The following SLC25A21 variants were observed in gnomAD, a reference collection of about 807,000 sequenced individuals.
SLC25A21 encodes mitochondrial 2-oxodicarboxylate carrier.
In SLC25A21, 47 loss-of-function variants were observed where a neutral mutation model predicts 43.8. That is an observed-to-expected ratio of 1.07 (90% CI 0.85 to 1.37). The LOEUF is 1.37. Ranked by LOEUF, SLC25A21 falls within the 40% of genes most tolerant of loss-of-function variation. SLC25A21 has a pLI of 0.00. For missense variants in SLC25A21, 352 were observed against 350.2 expected, an observed-to-expected ratio of 1.00 and a Z score of -0.04; for synonymous variants, 131 against 121.3, an observed-to-expected ratio of 1.08 and a Z score of -0.52.
At chr14:36,790,702 G>A (rs1188360125) in intron 3 of SLC25A21, among the ~76,000 whole-genome samples, 1 of 152,102 alleles carries the variant, frequency 6.6e-6, no homozygotes, top group Non-Finnish European at 1.5e-5. Flanking sequence ...AAAACAATGA[G>A]ATTTTGGAAA....
At position 36,931,366 on chromosome 14, in the gene SLC25A21, G is replaced by T. The variant is rs1892283687; in HGVS notation, c.71-56362C>A. On this transcript the variant is annotated intron_variant, in intron 1 of 9. Coordinates refer to ENST00000331299, the MANE Select transcript of SLC25A21 (RefSeq NM_030631.4). Reference sequence around the variant, plus strand: ...CAAGGATGCAGATAGCTCACCAGGTGGTATGAAGGGTTGGAGTGTCCTAGC... The same window carrying T: ...CAAGGATGCAGATAGCTCACCAGGTTGTATGAAGGGTTGGAGTGTCCTAGC... 2.0e-5 allele frequency among the ~76,000 whole-genome samples: 3 copies of T among 152,136 alleles called. No individual in the cohort carries two copies. The South Asian group carries it at 6.2e-4, about 32-fold the overall frequency.
chr14:36,991,810 C>T (rs538242803), intron 1 of SLC25A21, among the ~76,000 whole-genome samples: 1 of 151,586 alleles, frequency 6.6e-6, no homozygotes, highest in South Asian at 2.1e-4. Flanking sequence ...CCCTGCAGGG[C>T]TGATACGCTG....
chr14:36,704,473 A>C, intron 7 of SLC25A21, among the ~76,000 whole-genome samples: 1 of 152,112 alleles, frequency 6.6e-6, no homozygotes, highest in East Asian at 1.9e-4. Context: ...CCTGACCAAC[A>C]CGGTGAAACC....
At chr14:37,135,821 G>T (rs959639709) in intron 1 of SLC25A21, among the ~76,000 whole-genome samples, 15 of 152,296 alleles carry the variant, frequency 9.8e-5, no homozygotes, top group Non-Finnish European at 1.8e-4. Flanking sequence ...CATGCGTTAC[G>T]TGACCTCCTC....
At chr14:36,714,950 T>C (rs1217693190) in intron 6 of SLC25A21, among the ~76,000 whole-genome samples, 2 of 152,200 alleles carry the variant, frequency 1.3e-5, no homozygotes, top group African/African-American at 2.4e-5. Flanking sequence ...CCTTGTAATG[T>C]GGGCAGCTGG....
At chr14:36,792,136 G>A (rs757256672) in intron 3 of SLC25A21, among the ~76,000 whole-genome samples, 4 of 151,946 alleles carry the variant, frequency 2.6e-5, no homozygotes, top group Non-Finnish European at 4.4e-5. Context: ...TTAGACCATC[G>A]ACTATTTCCC....
chr14:36,991,317 C>T (rs11849968), intron 1 of SLC25A21, among the ~76,000 whole-genome samples: 13,315 of 152,180 alleles, frequency 0.087, 663 homozygotes, highest in African/African-American at 0.13. Flanking sequence ...GGTTTTGATT[C>T]CTCAAGCTTC....
chr14:36,835,271 T>G (rs1325042137), intron 2 of SLC25A21, among the ~76,000 whole-genome samples: 1 of 152,204 alleles, frequency 6.6e-6, no homozygotes, highest in Admixed American at 6.5e-5. Flanking sequence ...TATTATAAAG[T>G]GGGTACACTT....
At chr14:37,090,431 G>A (rs1376701625) in intron 1 of SLC25A21, among the ~76,000 whole-genome samples, 1 of 152,192 alleles carries the variant, frequency 6.6e-6, no homozygotes, top group Non-Finnish European at 1.5e-5. Context: ...GTGATATGCT[G>A]TTGCAGCTCA....
At chr14:37,137,528 T>C (rs1963502891) in intron 1 of SLC25A21, among the ~76,000 whole-genome samples, 1 of 152,196 alleles carries the variant, frequency 6.6e-6, no homozygotes, top group South Asian at 2.1e-4. Flanking sequence ...GTTTATAAGA[T>C]GTATAAGATT....
At chr14:37,040,376 A>AG (rs1961438605) in intron 1 of SLC25A21, among the ~76,000 whole-genome samples, 1 of 37,380 alleles carries the variant, frequency 2.7e-5, no homozygotes, top group Admixed American at 2.3e-4. Flanking sequence ...AGAGAGAGAG[A>AG]AAGAAAGAAA....
intron 1 of SLC25A21, among the ~76,000 whole-genome samples, chr14:37,072,808 A>G (rs1962200074): frequency 6.6e-6 from 1 of 152,252 alleles, no homozygotes. Context: ...ACAAGGAATC[A>G]GGAAACAATC....
intron 1 of SLC25A21, among the ~76,000 whole-genome samples, chr14:37,021,505 C>T (rs906447385): frequency 3.3e-5 from 5 of 151,958 alleles, no homozygotes; most frequent in African/African-American, 1.2e-4. Context: ...CTCTTCCCCT[C>T]CTCTATTTCT....
At position 37,040,440 on chromosome 14, in the gene SLC25A21, A is replaced by AAAGAAAGAAAGAAAGAAAGAAGG. The variant is rs68013942; in HGVS notation, c.70+131840_70+131841insCCTTCTTTCTTTCTTTCTTTCTT. Among the ~76,000 whole-genome samples, 3 of 48,674 alleles carry AAAGAAAGAAAGAAAGAAAGAAGG rather than the reference A, an allele frequency of 6.2e-5. No homozygotes were observed. The African/African-American group carries it at 1.2e-3, about 20-fold the overall frequency. The allele number at this position is 48,674 out of a possible 152,430, so 31.9% of individuals were successfully genotyped here. ...GAAAGAAAGAAAGAAAGAAAGAAAG[A>AAAGAAAGAAAGAAAGAAAGAAGG]AAAGAAAAATTAGTTACAGGGTGAG... On this transcript the variant is annotated intron_variant, in intron 1 of 9. Transcript: ENST00000331299.
At chr14:37,106,850 C>A (rs1025875771) in intron 1 of SLC25A21, among the ~76,000 whole-genome samples, 4 of 152,186 alleles carry the variant, frequency 2.6e-5, no homozygotes, top group Non-Finnish European at 5.9e-5. Context: ...AAATTCCTCT[C>A]TTTGTAATCT....
intron 1 of SLC25A21, among the ~76,000 whole-genome samples, chr14:37,133,358 A>T (rs978669458): frequency 2.6e-5 from 4 of 151,944 alleles, no homozygotes; most frequent in African/African-American, 7.3e-5. Context: ...ATAGTATCAC[A>T]CCTTAGCTCA....
At chr14:36,687,725 C>CATGA (rs1882617292) in intron 7 of SLC25A21, among the ~76,000 whole-genome samples, 1 of 152,222 alleles carries the variant, frequency 6.6e-6, no homozygotes, top group Non-Finnish European at 1.5e-5. Context: ...GCCATCCTCG[C>CATGA]ATGAATGCAG....
At chr14:36,947,281 T>C (rs976933633) in intron 1 of SLC25A21, among the ~76,000 whole-genome samples, 7 of 152,304 alleles carry the variant, frequency 4.6e-5, no homozygotes, top group Admixed American at 1.3e-4. Flanking sequence ...AAGTAACCAC[T>C]ACAGCATTTA....
At chr14:37,152,933 C>T (rs1963784364) in intron 1 of SLC25A21, among the ~76,000 whole-genome samples, 1 of 152,092 alleles carries the variant, frequency 6.6e-6, no homozygotes, top group African/African-American at 2.4e-5. Context: ...TTATCCAAGA[C>T]AGAATGCTGA....
Sources: gnomAD v4.1 joint callset for allele counts (sites outside exome capture counted in the v4.1 genomes callset) on GRCh38, gnomAD v4.1.1 for gene constraint, MANE v1.5 for transcripts, NCBI Gene and HGNC (gene_info 2026-07-23, HGNC 2026-07-21) for gene names.